Variants in PARD3B observed in about 807,000 individuals in gnomAD.
The protein encoded by PARD3B is partitioning defective 3 homolog B.
A neutral mutation model predicts 130.2 loss-of-function variants in PARD3B; 103 were observed. The observed-to-expected ratio is 0.79, with a 90% CI of 0.67 to 0.93. The LOEUF is 0.93. Among genes scored for constraint, PARD3B ranks in the 40% least tolerant of loss-of-function variants. The probability of loss-of-function intolerance (pLI) is 0.00; values close to 1 mark genes in which losing one functional copy is unlikely to be tolerated. For synonymous variants in PARD3B, 583 were observed against 553.2 expected (o/e 1.05, Z -0.76); for missense variants, 1,609 against 1,499.2 (o/e 1.07, Z -1.21).
At chr2:205,002,656 C>T (rs1347214480) in intron 3 of PARD3B, among the ~76,000 whole-genome samples, 2 of 152,096 alleles carry the variant, frequency 1.3e-5, no homozygotes, top group Admixed American at 6.6e-5. Context: ...CTGCCTCCAC[C>T]CTGCCTGCTC....
chr2:204,794,333 A>G (rs1251301297), intron 2 of PARD3B, among the ~76,000 whole-genome samples: 1 of 152,218 alleles, frequency 6.6e-6, no homozygotes, highest in Non-Finnish European at 1.5e-5. Context: ...TGATATTTAT[A>G]ATACATTAAT....
intron 21 of PARD3B, among the ~76,000 whole-genome samples, chr2:205,507,565 A>G (rs1015033804): frequency 6.6e-6 from 1 of 152,060 alleles, no homozygotes; most frequent in Non-Finnish European, 1.5e-5. Flanking sequence ...CTGGAACTAG[A>G]CAGTGAAGTC....
At position 204,645,344 on chromosome 2, in the gene PARD3B, T is replaced by A. The variant is rs148684698; in HGVS notation, c.121-40837T>A. On this transcript the variant is annotated intron_variant, in intron 1 of 22. Coordinates refer to ENST00000406610, the MANE Select transcript of PARD3B (RefSeq NM_001302769.2). ...TCCATTGACAGTTCTGTGCAGAATT[T>A]AGGCAATGACTCATACATATTTTGC... Among the ~76,000 whole-genome samples the A allele has an allele frequency of 5.1e-4, 78 of 152,314 alleles. 1 individual carries two copies. In the East Asian group the frequency reaches 0.013, roughly 26 times the overall value.
chr2:204,808,657 A>G (rs772110781), intron 2 of PARD3B, among the ~76,000 whole-genome samples: 28 of 152,140 alleles, frequency 1.8e-4, no homozygotes, highest in Non-Finnish European at 4.1e-4. Context: ...CACAAAGGAC[A>G]TGATCTTGTT....
chr2:205,559,051 T>G (rs1385375431), intron 22 of PARD3B, among the ~76,000 whole-genome samples: 1 of 152,234 alleles, frequency 6.6e-6, no homozygotes, highest in Non-Finnish European at 1.5e-5. Context: ...TACATTGCTA[T>G]ACAGATGAGA....
Position 205,558,381 on chromosome 2 carries a change from A to G in PARD3B, c.3260+4978A>G, listed in dbSNP as rs1212935682. Among the ~76,000 whole-genome samples, 1 of 152,092 alleles carries G rather than the reference A, an allele frequency of 6.6e-6. No individual in the cohort carries two copies. Among genetic ancestry groups the G allele is most frequent in the East Asian group, 1.9e-4 (1 of 5,174 alleles). On this transcript the variant is annotated intron_variant, in intron 22 of 22. Transcript: ENST00000406610. The surrounding 1 kb of genome is among the most constrained non-coding windows in gnomAD (Gnocchi z 4.8). ...CCAGAGATACTGCTAAGATACTCCT[A>G]TTATCTCAGGACCGGGCAGTGCTGA...
intron 3 of PARD3B, among the ~76,000 whole-genome samples, chr2:205,010,335 G>T (rs1019949641): frequency 6.6e-6 from 1 of 152,164 alleles, no homozygotes; most frequent in Middle Eastern, 3.2e-3. Flanking sequence ...TGCAGCCTCT[G>T]TGCATGAACT....
chr2:205,103,188 AT>A (rs1253952851), intron 4 of PARD3B, among the ~76,000 whole-genome samples: 4 of 143,892 alleles, frequency 2.8e-5, no homozygotes, highest in Admixed American at 6.9e-5. Context: ...TAAAGTAAAC[AT>A]TTTATATTTA....
chr2:204,740,186 T>C (rs2039945504), intron 2 of PARD3B, among the ~76,000 whole-genome samples: 1 of 151,856 alleles, frequency 6.6e-6, no homozygotes, highest in Admixed American at 6.6e-5. Context: ...TAATCTTTTT[T>C]TTTTTTTAGT....
intron 2 of PARD3B, among the ~76,000 whole-genome samples, chr2:204,954,476 A>G (rs944238169): frequency 6.6e-6 from 1 of 152,220 alleles, no homozygotes; most frequent in Non-Finnish European, 1.5e-5. Flanking sequence ...CAATTTGCTA[A>G]ACGTGTTCAT....
At chr2:205,035,102 A>AT (rs1000524835) in intron 3 of PARD3B, among the ~76,000 whole-genome samples, 5 of 151,960 alleles carry the variant, frequency 3.3e-5, no homozygotes, top group South Asian at 2.1e-4. Context: ...ACCTCAGGTG[A>AT]TCCCCCCCCC....
intron 18 of PARD3B, among the ~76,000 whole-genome samples, chr2:205,332,310 T>A (rs1471137856): frequency 6.6e-6 from 1 of 152,168 alleles, no homozygotes; most frequent in Admixed American, 6.5e-5. Context: ...TAAACTGTAT[T>A]CCTCCATATT....
Position 205,103,254 on chromosome 2 carries a change from C to T in PARD3B, c.505-1172C>T, listed in dbSNP as rs865977727. On this transcript the variant is annotated intron_variant, in intron 4 of 22. Coordinates refer to ENST00000406610, the MANE Select transcript of PARD3B (RefSeq NM_001302769.2). The stretch of plus-strand genomic sequence containing the variant: ...ACATATTTTATATTTATGTAAAAAA[C>T]ATTTTATATTTATGTAAAATAAACA... Among the ~76,000 whole-genome samples, 8 of 76,666 alleles carry T rather than the reference C, an allele frequency of 1.0e-4. 1 individual carries two copies. Among genetic ancestry groups the T allele is most frequent in the Admixed American group, 1.2e-4 (1 of 8,178 alleles). 50.3% of individuals were successfully genotyped at this position (76,666 alleles called of 152,430 possible).
intron 10 of PARD3B, among the ~76,000 whole-genome samples, chr2:205,130,168 G>T (rs1203438583): frequency 6.6e-6 from 1 of 152,196 alleles, no homozygotes; most frequent in Non-Finnish European, 1.5e-5. Flanking sequence ...GACTGGGTGA[G>T]AGTTTACTGA....
At chr2:205,217,898 T>A (rs1435393412) in intron 15 of PARD3B, among the ~76,000 whole-genome samples, 3 of 115,104 alleles carry the variant, frequency 2.6e-5, no homozygotes, top group South Asian at 3.0e-4. Context: ...ATATATATTT[T>A]TTTTTTTATT....
intron 19 of PARD3B, among the ~76,000 whole-genome samples, chr2:205,413,663 G>A (rs894916379): frequency 6.6e-6 from 1 of 152,266 alleles, no homozygotes; most frequent in African/African-American, 2.4e-5. Context: ...TAGGACAGTG[G>A]AAATGAATCA....
At chr2:205,419,635 T>C (rs1355148061) in intron 19 of PARD3B, among the ~76,000 whole-genome samples, 1 of 152,166 alleles carries the variant, frequency 6.6e-6, no homozygotes, top group Non-Finnish European at 1.5e-5. Context: ...CTCTTTAAAC[T>C]TCTCAAGTTA....
chr2:205,497,385 G>A (rs1462712725), intron 20 of PARD3B, among the ~76,000 whole-genome samples: 2 of 145,546 alleles, frequency 1.4e-5, no homozygotes, highest in African/African-American at 2.5e-5. Context: ...TTACCATCTA[G>A]TTTGAGAAGA....
intron 19 of PARD3B, among the ~76,000 whole-genome samples, chr2:205,414,122 A>G (rs1278950417): frequency 2.6e-5 from 4 of 152,198 alleles, no homozygotes; most frequent in Non-Finnish European, 5.9e-5. Context: ...AAATGGCAAC[A>G]GCCATTTGTG....
Sources: allele counts gnomAD v4.1 joint callset (sites outside exome capture counted in the v4.1 genomes callset), GRCh38; gene constraint gnomAD v4.1.1; non-coding constraint Gnocchi (gnomAD v3.1); transcripts MANE v1.5; gene names NCBI Gene and HGNC (gene_info 2026-07-23, HGNC 2026-07-21).